Variants in ESRRG observed in about 807,000 individuals in gnomAD.
ESRRG encodes the protein estrogen related receptor gamma.
A neutral mutation model predicts 44.0 loss-of-function variants in ESRRG; 13 were observed. The observed-to-expected ratio is 0.30, with a 90% confidence interval of 0.19 to 0.47. The LOEUF is 0.47. Among genes scored for constraint, ESRRG ranks in the 20% least tolerant of loss-of-function variants. The pLI is 1.00. For synonymous variants in ESRRG, 215 were observed against 214.6 expected (o/e 1.00, Z -0.02); for missense variants, 395 against 580.6 (o/e 0.68, Z 3.29).
intron 2 of ESRRG, among the ~76,000 whole-genome samples, chr1:216,806,435 T>C (rs897242119): frequency 6.6e-6 from 1 of 152,218 alleles, no homozygotes; most frequent in African/African-American, 2.4e-5. Context: ...ACTGCTAGTA[T>C]GTTAATTAAC....
At chr1:216,918,558 C>T (rs1289855115) in intron 2 of ESRRG, among the ~76,000 whole-genome samples, 1 of 152,148 alleles carries the variant, frequency 6.6e-6, no homozygotes, top group Non-Finnish European at 1.5e-5. Flanking sequence ...ATCAAATCCT[C>T]TTCCTGTCTC....
rs114666389 is a variant in ESRRG, at chr1:216,818,390, C to T, written c.-14+121192G>A. On this transcript the variant is annotated intron_variant, in intron 2 of 7. Transcript: ENST00000359162. ...GCATTATTCAATATTGTAACAAGGA[C>T]TAGAAAATTGTAGAGGAATAAGGAA... 7.1e-3 allele frequency among the ~76,000 whole-genome samples: 1,087 copies of T among 152,262 alleles called. 14 individuals are homozygous for T. The highest frequency in any genetic ancestry group is 0.024 in the African/African-American group (1,017 of 41,544).
intron 2 of ESRRG, among the ~76,000 whole-genome samples, chr1:216,803,701 C>T (rs1157263400): frequency 2.6e-5 from 4 of 152,016 alleles, no homozygotes; most frequent in African/African-American, 9.7e-5. Flanking sequence ...CCTGCAGCTC[C>T]GAGCCCTTCG....
At chr1:216,944,274 A>T (rs10863281) in intron 1 of ESRRG, among the ~76,000 whole-genome samples, 3,741 of 152,286 alleles carry the variant, frequency 0.025, 149 homozygotes, top group African/African-American at 0.084. Flanking sequence ...AAATATTTTT[A>T]AAATAAGAGA....
intron 2 of ESRRG, among the ~76,000 whole-genome samples, chr1:216,886,298 A>G (rs1370150): frequency 0.65 from 99,513 of 151,946 alleles, 32,783 homozygotes; most frequent in Middle Eastern, 0.72. Flanking sequence ...TACCTAACTG[A>G]CCAGAGCTTA....
chr1:217,102,353 T>C (rs938481076), intron 1 of ESRRG, among the ~76,000 whole-genome samples: 2 of 152,218 alleles, frequency 1.3e-5, no homozygotes, highest in Admixed American at 1.3e-4. Context: ...ACAGCATTGC[T>C]GCTATTATTT....
chr1:216,564,102 A>G (rs1042832479), intron 5 of ESRRG, 117 bp downstream of exon 5: 4 of 529,088 alleles, frequency 7.6e-6, no homozygotes, highest in African/African-American at 5.9e-5. Flanking sequence ...TTAAAAATAA[A>G]TGTAAAGGGT....
chr1:216,678,307 T>G (rs1178474783), intron 1 of ESRRG, among the ~76,000 whole-genome samples: 1 of 152,224 alleles, frequency 6.6e-6, no homozygotes, highest in Non-Finnish European at 1.5e-5. Context: ...ATTTAAGAGA[T>G]GAATCAGTAA....
intron 2 of ESRRG, among the ~76,000 whole-genome samples, chr1:216,925,191 C>A (rs950495913): frequency 6.6e-6 from 1 of 152,152 alleles, no homozygotes; most frequent in Non-Finnish European, 1.5e-5. Flanking sequence ...GTAATCTCAG[C>A]ACTTTGGGAG....
intron 2 of ESRRG, among the ~76,000 whole-genome samples, chr1:216,807,272 TA>T (rs1170732401): frequency 6.6e-6 from 1 of 152,186 alleles, no homozygotes; most frequent in African/African-American, 2.4e-5. Context: ...GGGGATCTCA[TA>T]ATTGTCTATG....
At chr1:216,706,551 A>C (rs2082490061) in intron 1 of ESRRG, among the ~76,000 whole-genome samples, 2 of 150,856 alleles carry the variant, frequency 1.3e-5, no homozygotes, top group African/African-American at 5.0e-5. Flanking sequence ...TATAACACAC[A>C]AAAAAACTGC....
chr1:217,032,672 G>C (rs559203410), intron 1 of ESRRG, among the ~76,000 whole-genome samples: 188 of 152,250 alleles, frequency 1.2e-3, no homozygotes, highest in Non-Finnish European at 2.0e-3. Flanking sequence ...TTCATTATTT[G>C]GGGGTGATTG....
At chr1:216,810,121 C>T (rs538293920) in intron 2 of ESRRG, among the ~76,000 whole-genome samples, 15 of 151,998 alleles carry the variant, frequency 9.9e-5, no homozygotes, top group South Asian at 2.1e-4. Flanking sequence ...GTGGTGGTGG[C>T]GAAAACAGAG....
chr1:216,803,780 G>T (rs1308282870), intron 2 of ESRRG, among the ~76,000 whole-genome samples: 1 of 151,596 alleles, frequency 6.6e-6, no homozygotes, highest in African/African-American at 2.4e-5. Context: ...TTTTTTACTT[G>T]ATTTTCTCTG....
At chr1:216,735,594 C>G (rs1018293777) in intron 2 of ESRRG, among the ~76,000 whole-genome samples, 3 of 152,124 alleles carry the variant, frequency 2.0e-5, no homozygotes, top group African/African-American at 7.2e-5. Context: ...ACCTCTAGAA[C>G]AATTATTCAC....
Position 217,072,014 on chromosome 1 carries a change from T to A in ESRRG, c.-106+17493A>T, listed in dbSNP as rs556176375. Among the ~76,000 whole-genome samples the A allele has an allele frequency of 5.9e-5, 9 of 152,372 alleles. No homozygotes were observed. In the South Asian group the frequency reaches 1.9e-3, roughly 32 times the overall value. On this transcript the variant is annotated intron_variant, in intron 1 of 7. Coordinates refer to the ESRRG transcript ENST00000359162. Reference sequence around the variant, plus strand: ...TAATTTGTTACCAGTAATAAAGTACTGGAGCCTGCTGATGATTTTCTTTTT... The same window carrying A: ...TAATTTGTTACCAGTAATAAAGTACAGGAGCCTGCTGATGATTTTCTTTTT...
chr1:216,907,827 C>G (rs1175125142), intron 2 of ESRRG, among the ~76,000 whole-genome samples: 1 of 152,190 alleles, frequency 6.6e-6, no homozygotes, highest in Non-Finnish European at 1.5e-5. Flanking sequence ...TAATTCACAT[C>G]TATCTAAAGG....
At chr1:216,596,932 G>GT (rs1004434070) in intron 3 of ESRRG, among the ~76,000 whole-genome samples, 3 of 151,714 alleles carry the variant, frequency 2.0e-5, no homozygotes, top group African/African-American at 4.8e-5. Flanking sequence ...TATATATTGG[G>GT]TTTTTTTGGC....
At chr1:216,664,366 T>A (rs901945182) in intron 2 of ESRRG, among the ~76,000 whole-genome samples, 3 of 151,700 alleles carry the variant, frequency 2.0e-5, no homozygotes, top group African/African-American at 7.3e-5. Flanking sequence ...ATTAAAGAAA[T>A]GAGATAATTA....
Sources: allele counts gnomAD v4.1 joint callset (sites outside exome capture counted in the v4.1 genomes callset), GRCh38; gene constraint gnomAD v4.1.1; transcripts MANE v1.5; gene names NCBI Gene and HGNC (gene_info 2026-07-23, HGNC 2026-07-21).